The following CACNA1A variants were observed in gnomAD, a reference collection of about 807,000 sequenced individuals.
CACNA1A encodes calcium voltage-gated channel subunit alpha1 A.
A neutral mutation model predicts 262.4 loss-of-function variants in CACNA1A; 57 were observed. That is an observed-to-expected ratio of 0.22 (90% CI 0.18 to 0.27). The LOEUF (loss-of-function observed/expected upper bound fraction) is 0.27. Ranked by LOEUF, CACNA1A falls within the 10% of genes least tolerant of loss-of-function variation. The probability of loss-of-function intolerance (pLI) is 1.00; values close to 1 mark genes in which losing one functional copy is unlikely to be tolerated. For missense variants in CACNA1A, 2,526 were observed against 3,562.8 expected (o/e 0.71, Z 7.41); for synonymous variants, 1,431 against 1,419.3 (o/e 1.01, Z -0.18).
intron 1 of CACNA1A, among the ~76,000 whole-genome samples, chr19:13,472,484 G>A (rs776067856): frequency 1.3e-4 from 20 of 152,140 alleles, no homozygotes; most frequent in Non-Finnish European, 2.2e-4. Flanking sequence ...ACCTGTCTCT[G>A]CCAACTTCTT....
At chr19:13,249,284 A>G (rs928700320) in intron 30 of CACNA1A, among the ~76,000 whole-genome samples, 1 of 151,918 alleles carries the variant, frequency 6.6e-6, no homozygotes, top group African/African-American at 2.4e-5. Context: ...TGCTTCTAAT[A>G]AGTAGCATCT....
chr19:13,459,188 C>G (rs977194737), intron 1 of CACNA1A, among the ~76,000 whole-genome samples: 3 of 152,132 alleles, frequency 2.0e-5, no homozygotes, highest in Non-Finnish European at 2.9e-5. Context: ...CTCTCCCCTC[C>G]TCGTAGCTCT....
At chr19:13,323,439 G>A (rs2058295654) in intron 10 of CACNA1A, among the ~76,000 whole-genome samples, 1 of 152,074 alleles carries the variant, frequency 6.6e-6, no homozygotes, top group Non-Finnish European at 1.5e-5. Flanking sequence ...GGATATGTAT[G>A]TTCAGATCCT....
At chr19:13,263,022 A>G (rs1454407294) in intron 24 of CACNA1A, 189 bp from the exon 25 acceptor site, 1 of 589,918 alleles carries the variant, frequency 1.7e-6, no homozygotes, top group Non-Finnish European at 3.1e-6. Context: ...CTCGGGAGCC[A>G]GTAAGTACGT....
intron 1 of CACNA1A, among the ~76,000 whole-genome samples, chr19:13,479,533 CG>C (rs751322918): frequency 1.3e-5 from 2 of 152,048 alleles, no homozygotes; most frequent in African/African-American, 2.4e-5. Flanking sequence ...GTGATCTTCT[CG>C]GGCTTTCTCC....
At chr19:13,478,130 G>A (rs778082488) in intron 1 of CACNA1A, among the ~76,000 whole-genome samples, 6 of 152,086 alleles carry the variant, frequency 3.9e-5, no homozygotes, top group Non-Finnish European at 8.8e-5. Context: ...TGGTTCTTCC[G>A]TATTTTCACT....
At chr19:13,254,448 C>T (rs543323492) in intron 29 of CACNA1A, among the ~76,000 whole-genome samples, 9 of 151,952 alleles carry the variant, frequency 5.9e-5, no homozygotes, top group Non-Finnish European at 7.4e-5. Context: ...TGGCAACCTC[C>T]GCCTCCCGGG....
intron 44 of CACNA1A, 77 bp downstream of exon 44, chr19:13,210,540 C>T (rs1370157144): frequency 1.0e-5 from 13 of 1,292,844 alleles, no homozygotes; most frequent in African/African-American, 9.9e-5. Flanking sequence ...TGAGAGATGA[C>T]GGGACTCCCT....
rs76366568 is a variant in CACNA1A, at chr19:13,296,911, C to T, written c.3089+1633G>A. Reference sequence around the variant, plus strand: ...AGTAGTTGGGACTGCAGGTGCATGCCACCACATCTGTTTAATTTTTTATAT... The same window carrying T: ...AGTAGTTGGGACTGCAGGTGCATGCTACCACATCTGTTTAATTTTTTATAT... On this transcript the variant is annotated intron_variant, in intron 19 of 46. Transcript: ENST00000360228. Among the ~76,000 whole-genome samples, 668 of 151,980 alleles carry T rather than the reference C, an allele frequency of 4.4e-3. 2 individuals carry two copies. The highest frequency in any genetic ancestry group is 0.014 in the South Asian group (66 of 4,798).
chr19:13,436,247 G>C lies in CACNA1A; in HGVS notation c.539+16629C>G, dbSNP rs377477853. Among the ~76,000 whole-genome samples the C allele has an allele frequency of 3.3e-5, 5 of 152,166 alleles. No homozygotes were observed. In the East Asian group the frequency reaches 5.8e-4, roughly 18 times the overall value. On this transcript the variant is annotated intron_variant, in intron 3 of 46. Coordinates refer to ENST00000360228, the MANE Select transcript of CACNA1A (RefSeq NM_001127222.2). ...CCAAGGCTTCCCACATTGTCCCCTT[G>C]GCTGGTACAGCTGCTGAGGCGAGTG...
chr19:13,339,224 C>T (rs1354899145), intron 6 of CACNA1A, among the ~76,000 whole-genome samples: 1 of 152,052 alleles, frequency 6.6e-6, no homozygotes, highest in Non-Finnish European at 1.5e-5. Context: ...ATACGTGCTG[C>T]AACATGGGTG....
At position 13,320,237 on chromosome 19, in the gene CACNA1A, C is replaced by CGAGAGAGAGAGAGAGAGA. The variant is rs146095824; in HGVS notation, c.1346-2934_1346-2917dup. ...GGGACAGGGGGGATGTTCCACAGAT[C>CGAGAGAGAGAGAGAGAGA]GAGAGAGAGAGAGAGAGAGAGAGAG... On this transcript the variant is annotated intron_variant, in intron 10 of 46. Transcript: ENST00000360228. 7.7e-4 allele frequency among the ~76,000 whole-genome samples: 98 copies of CGAGAGAGAGAGAGAGAGA among 127,232 alleles called. 3 individuals carry two copies. The East Asian group carries it at 9.6e-3, about 12-fold the overall frequency. The allele number at this position is 127,232 out of a possible 152,430, so 83.5% of individuals were successfully genotyped here. A position where few individuals can be genotyped will look rare whatever the true frequency, so the allele number is the denominator to read the frequency against.
chr19:13,378,338 T>A (rs1320533967), intron 3 of CACNA1A, among the ~76,000 whole-genome samples: 1 of 152,230 alleles, frequency 6.6e-6, no homozygotes, highest in East Asian at 1.9e-4. Context: ...GAATATGACA[T>A]AAACTTAGTT....
intron 31 of CACNA1A, 180 bp from the exon 32 acceptor site, chr19:13,235,910 G>A: frequency 1.8e-6 from 1 of 563,696 alleles, no homozygotes; most frequent in South Asian, 2.5e-5. Flanking sequence ...ACTCGAAAAA[G>A]GAATAATGTT....
At chr19:13,341,124 C>G (rs1422578252) in intron 6 of CACNA1A, among the ~76,000 whole-genome samples, 1 of 152,110 alleles carries the variant, frequency 6.6e-6, no homozygotes. Flanking sequence ...AAGGAGAAAC[C>G]TGGGCACAGA....
chr19:13,280,842 G>C (rs2057272391), intron 22 of CACNA1A, among the ~76,000 whole-genome samples: 1 of 150,874 alleles, frequency 6.6e-6, no homozygotes, highest in Non-Finnish European at 1.5e-5. Flanking sequence ...TCTGGAGGCT[G>C]AGGCAGGAGA....
intron 9 of CACNA1A, among the ~76,000 whole-genome samples, chr19:13,330,879 C>G (rs6511856): frequency 0.58 from 88,408 of 152,004 alleles, 27,859 homozygotes; most frequent in East Asian, 0.96. Context: ...GTGAGCCGCC[C>G]CACTCAGCCT....
chr19:13,408,468 A>G (rs906183355), intron 3 of CACNA1A, among the ~76,000 whole-genome samples: 1 of 152,252 alleles, frequency 6.6e-6, no homozygotes, highest in South Asian at 2.1e-4. Context: ...AGTTTCAGAG[A>G]TTCCAAGATC....
At position 13,317,285 on chromosome 19, in the gene CACNA1A, T is replaced by C; in HGVS notation, c.1382A>G (p.Lys461Arg). 6.2e-7 allele frequency: 1 copy of C among 1,610,488 alleles called. No individual in the cohort carries two copies. Among genetic ancestry groups the C allele is most frequent in the Non-Finnish European group, 8.5e-7 (1 of 1,176,962 alleles). ...PFARASIKSA[K>R]LENSTFFHKK... ...GTGAAAAAAGGTCGAGTTCTCCAGC[T>C]TGGCACTTTTAATGCTGGCTCGGGC... Residue 461 changes from lysine to arginine, a missense_variant, in exon 11 of 47, where the codon AAG (lysine) becomes AGG (arginine). Lys to Arg is a conservative substitution (Grantham distance 26, BLOSUM62 2). This residue lies in a region of CACNA1A where 104 missense variants were observed against 127.6 expected (regional missense o/e 0.81). Transcript: ENST00000360228.
Sources: gnomAD v4.1 joint callset for allele counts (sites outside exome capture counted in the v4.1 genomes callset) on GRCh38, gnomAD v4.1.1 for gene constraint, gnomAD v4.1.1 regional missense constraint, MANE v1.5 for transcripts, NCBI Gene and HGNC (gene_info 2026-07-23, HGNC 2026-07-21) for gene names.